The following PTCRA variants were observed in gnomAD, a reference collection of about 807,000 sequenced individuals.
PTCRA encodes pre T cell antigen receptor alpha, also known as pre T-cell antigen receptor alpha.
Under a neutral mutation model 13.4 loss-of-function variants are expected in PTCRA, and 9 were observed. The ratio of observed to expected loss-of-function variants is 0.67; its 90% CI spans 0.41 to 1.18. The LOEUF (loss-of-function observed/expected upper bound fraction) is 1.18, where lower values mean the gene tolerates loss of function less well. Ranked by LOEUF, PTCRA falls within the 50% of genes most tolerant of loss-of-function variation. The pLI is 0.01. For synonymous variants in PTCRA, 153 were observed against 161.9 expected (o/e 0.94, Z 0.42); for missense variants, 353 against 359.8 (o/e 0.98, Z 0.15).
Position 42,923,332 on chromosome 6 carries a change from C to T in PTCRA, c.364C>T (p.Pro122Ser), listed in dbSNP as rs778083552. ...TGAGGGTCACAGCAGGAGTACACAG[C>T]CCATGCATCTGTCAGGTGGGGATGG... ...GAEGHSRSTQ[P>S]MHLSGEASTA... The change falls in exon 2 of 4, where the codon CCC becomes TCC. Residue 122 changes from proline to serine, a missense_variant. Physicochemically the swap from Pro to Ser is moderately conservative, Grantham distance 74. Coordinates refer to ENST00000304672, the MANE Select transcript of PTCRA (RefSeq NM_138296.3). The T allele has an allele frequency of 3.5e-5, 56 of 1,613,956 alleles. No individual in the cohort carries two copies. Among genetic ancestry groups the T allele is most frequent in the Non-Finnish European group, 4.7e-5 (56 of 1,179,952 alleles).
In PTCRA at chr6:42,923,171, G is replaced by T; in HGVS notation, c.203G>T (p.Gly68Val). 1 of 1,614,220 alleles carries T rather than the reference G, an allele frequency of 6.2e-7. No individual in the cohort carries two copies. Among genetic ancestry groups the T allele is most frequent in the East Asian group, 2.2e-5 (1 of 44,892 alleles). Residue 68 changes from glycine to valine, a missense_variant, in exon 2 of 4, where the codon GGC becomes GTC. Gly to Val is a moderately radical substitution (Grantham distance 109). Transcript: ENST00000304672. The stretch of plus-strand genomic sequence containing the variant: ...CCCATCTGGTTCTCAGCCGGCAATG[G>T]CAGTGCACTGGATGCCTTCACCTAT... Reference protein sequence around the residue: ...DSPIWFSAGNGSALDAFTYGP... With the variant: ...DSPIWFSAGNVSALDAFTYGP...
At chr6:42,920,811 CTT>C (rs544790680) in intron 1 of PTCRA, among the ~76,000 whole-genome samples, 18 of 122,766 alleles carry the variant, frequency 1.5e-4, no homozygotes, top group Middle Eastern at 5.4e-3. Flanking sequence ...CTAAACAAAG[CTT>C]TTTTTTTTTT....
At chr6:42,922,662 C>A (rs1410752501) in intron 1 of PTCRA, among the ~76,000 whole-genome samples, 1 of 151,458 alleles carries the variant, frequency 6.6e-6, no homozygotes, top group Non-Finnish European at 1.5e-5. Flanking sequence ...ATGGCATGAA[C>A]CCAGGAGGTG....
intron 2 of PTCRA, 134 bp downstream of exon 2, chr6:42,923,481 A>T: frequency 7.2e-6 from 6 of 829,436 alleles, no homozygotes; most frequent in Non-Finnish European, 9.4e-6. Flanking sequence ...GGGTGAGGTG[A>T]CACCTGGGCT....
chr6:42,925,525 G>A lies in PTCRA; in HGVS notation c.689G>A (p.Gly230Glu), dbSNP rs200924110. The part of the protein sequence containing the change: ...WGDTPPGRKP[G>E]SPVWGEGSYL... Reference sequence around the variant, plus strand: ...GACACCCCTCCGGGTCGGAAGCCCGGGAGCCCAGTATGGGGGGAAGGGTCT... The same window carrying A: ...GACACCCCTCCGGGTCGGAAGCCCGAGAGCCCAGTATGGGGGGAAGGGTCT... The change falls in exon 4 of 4, where the codon GGG (glycine) becomes GAG (glutamate). Residue 230 changes from glycine (G) to glutamate (E), a missense_variant. Gly to Glu is a moderately conservative substitution (Grantham distance 98, BLOSUM62 -2). Coordinates refer to ENST00000304672, the MANE Select transcript of PTCRA (RefSeq NM_138296.3). This position sits in a 1 kb window ranked among gnomAD's most constrained non-coding sequence, Gnocchi z 4.4. 614 of 1,582,364 alleles carry A rather than the reference G, an allele frequency of 3.9e-4. 4 individuals carry two copies. The African/African-American group carries it at 6.9e-3, about 18-fold the overall frequency.
chr6:42,922,827 T>C (rs1368752068), intron 1 of PTCRA, among the ~76,000 whole-genome samples, 200 bp from the exon 2 acceptor site: 5 of 151,022 alleles, frequency 3.3e-5, no homozygotes, highest in African/African-American at 1.2e-4. Flanking sequence ...AATGAAAGGA[T>C]GGGCAGATGG....
intron 1 of PTCRA, among the ~76,000 whole-genome samples, chr6:42,919,506 A>G (rs1581680621): frequency 6.6e-6 from 1 of 151,194 alleles, no homozygotes; most frequent in East Asian, 2.0e-4. Context: ...TTGAGCGCTG[A>G]AGTTCAAGAC....
Position 42,916,135 on chromosome 6 carries a change from C to T in PTCRA, c.58+8C>T. On this transcript the variant is annotated splice_region_variant and intron_variant, in intron 1 of 3. Transcript: ENST00000304672. ...GTCCAGCCCTACCCACAGGTGAGCC[C>T]CCTCTTTGCCTTCCTCTCTGTCCCT... is the stretch of plus-strand genomic sequence containing the variant. 1 of 1,613,582 alleles carries T rather than the reference C, an allele frequency of 6.2e-7. No homozygotes were observed.
chr6:42,916,372 C>T (rs554525324), intron 1 of PTCRA, among the ~76,000 whole-genome samples: 27 of 152,296 alleles, frequency 1.8e-4, no homozygotes, highest in African/African-American at 6.5e-4. Flanking sequence ...CTCCTATGTC[C>T]TCCTGCCCTG....
chr6:42,924,316 C>A, intron 3 of PTCRA, 43 bp downstream of exon 3: 1 of 1,591,178 alleles, frequency 6.3e-7, no homozygotes. Flanking sequence ...AGGCTGGGAC[C>A]AGGACCTTGG....
In PTCRA at chr6:42,925,540, G is replaced by T. The variant is rs774547744; in HGVS notation, c.704G>T (p.Gly235Val). 1 of 1,590,802 alleles carries T rather than the reference G, an allele frequency of 6.3e-7. No homozygotes were observed. The highest frequency in any genetic ancestry group is 1.1e-5 in the South Asian group (1 of 87,612). ...PGRKPGSPVW[G>V]EGSYLSSYPT... ...CGGAAGCCCGGGAGCCCAGTATGGGGGGAAGGGTCTTACCTCAGCAGTTAC... is the reference window on the plus strand; with the variant it reads ...CGGAAGCCCGGGAGCCCAGTATGGGTGGAAGGGTCTTACCTCAGCAGTTAC... The change falls in exon 4 of 4, where the codon GGG (glycine) becomes GTG (valine). Residue 235 changes from glycine (G) to valine (V), a missense_variant. Coordinates refer to ENST00000304672, the MANE Select transcript of PTCRA (RefSeq NM_138296.3). The surrounding 1 kb of genome is among the most constrained non-coding windows in gnomAD (Gnocchi z 4.4).
At position 42,925,717 on chromosome 6, in the gene PTCRA, T is replaced by G; in HGVS notation, c.*35T>G. 1 of 1,424,504 alleles carries G rather than the reference T, an allele frequency of 7.0e-7. No homozygotes were observed. Among genetic ancestry groups the G allele is most frequent in the Non-Finnish European group, 9.4e-7 (1 of 1,062,234 alleles). The allele number at this position is 1,424,504 out of a possible 1,614,324, so 88.2% of individuals were successfully genotyped here. On this transcript the variant is annotated 3_prime_UTR_variant, in exon 4 of 4. Coordinates refer to ENST00000304672, the MANE Select transcript of PTCRA (RefSeq NM_138296.3). This position sits in a 1 kb window ranked among gnomAD's most constrained non-coding sequence, Gnocchi z 4.4. ...TCTACCTCCCCTGCGTCACACTGTG[T>G]GAGGCTGTGTCTCTGCCATCCAAAA...
chr6:42,923,395 C>T (rs1767284886), intron 2 of PTCRA, 48 bp downstream of exon 2: 2 of 1,558,108 alleles, frequency 1.3e-6, no homozygotes, highest in Admixed American at 1.7e-5. Context: ...TCCCCTTCCA[C>T]ACACCAGGAT....
chr6:42,921,732 T>TTAA (rs1491426531), intron 1 of PTCRA, among the ~76,000 whole-genome samples: 1 of 96,344 alleles, frequency 1.0e-5, no homozygotes, highest in African/African-American at 4.6e-5. Context: ...GCTTTTTTTT[T>TTAA]CAAAAAAAAA....
intron 1 of PTCRA, among the ~76,000 whole-genome samples, chr6:42,917,481 C>T (rs936474422): frequency 3.4e-5 from 5 of 147,458 alleles, no homozygotes; most frequent in Non-Finnish European, 7.4e-5. Context: ...CTCAGCCTCC[C>T]AAAGTGCTGG....
chr6:42,917,622 TC>T (rs1227693264), intron 1 of PTCRA, among the ~76,000 whole-genome samples: 1 of 149,932 alleles, frequency 6.7e-6, no homozygotes, highest in Non-Finnish European at 1.5e-5. Context: ...CAATCTCAAC[TC>T]ACTGCATCCT....
chr6:42,917,843 C>A (rs1256534246), intron 1 of PTCRA, among the ~76,000 whole-genome samples: 2 of 151,880 alleles, frequency 1.3e-5, no homozygotes, highest in African/African-American at 4.8e-5. Flanking sequence ...AGCCACTGAG[C>A]CCGGCCTAAC....
At chr6:42,921,632 A>G (rs1162451523) in intron 1 of PTCRA, among the ~76,000 whole-genome samples, 20 of 145,796 alleles carry the variant, frequency 1.4e-4, no homozygotes, top group East Asian at 6.4e-4. Flanking sequence ...TGGCCAGGAT[A>G]GTCTCGATCT....
chr6:42,922,922 T>C, intron 1 of PTCRA, 105 bp from the exon 2 acceptor site: 2 of 1,041,626 alleles, frequency 1.9e-6, no homozygotes, highest in Admixed American at 2.0e-5. Flanking sequence ...GGTGGAAGGA[T>C]GGATGGATGG....
Sources: allele counts gnomAD v4.1 joint callset (sites outside exome capture counted in the v4.1 genomes callset), GRCh38; gene constraint gnomAD v4.1.1; non-coding constraint Gnocchi (gnomAD v3.1); transcripts MANE v1.5; gene names NCBI Gene and HGNC (gene_info 2026-07-23, HGNC 2026-07-21).